The following AIM2 variants were observed in gnomAD, a reference collection of about 807,000 sequenced individuals.
The protein encoded by AIM2 is absent in melanoma 2.
In AIM2, 30 loss-of-function variants were observed where a neutral mutation model predicts 27.7. The observed-to-expected ratio is 1.08, with a 90% CI of 0.81 to 1.47. The LOEUF is 1.47. Ranked by LOEUF, AIM2 falls within the 40% of genes most tolerant of loss-of-function variation. The pLI is 0.00. For missense variants in AIM2, 358 were observed against 411.3 expected, an observed-to-expected ratio of 0.87 and a Z score of 1.12; for synonymous variants, 141 against 145.3, an observed-to-expected ratio of 0.97 and a Z score of 0.21.
chr1:159,085,061 A>G (rs1326576978), intron 1 of AIM2, among the ~76,000 whole-genome samples: 1 of 152,178 alleles, frequency 6.6e-6, no homozygotes, highest in African/African-American at 2.4e-5. Flanking sequence ...AACAAATGCC[A>G]CTTCCGTATG....
intron 1 of AIM2, among the ~76,000 whole-genome samples, chr1:159,128,990 A>G (rs530861772): frequency 1.3e-5 from 2 of 152,134 alleles, no homozygotes; most frequent in Non-Finnish European, 2.9e-5. Context: ...CCCCAAAAAG[A>G]CATGCCCAGG....
chr1:159,104,664 T>C (rs1160244603), intron 1 of AIM2, among the ~76,000 whole-genome samples: 1 of 152,238 alleles, frequency 6.6e-6, no homozygotes, highest in Admixed American at 6.5e-5. Context: ...ATACTGGGTT[T>C]AATCAGATAT....
At chr1:159,123,190 A>G (rs1647588040) in intron 1 of AIM2, among the ~76,000 whole-genome samples, 1 of 152,168 alleles carries the variant, frequency 6.6e-6, no homozygotes, top group South Asian at 2.1e-4. Flanking sequence ...GCCCTTTAAT[A>G]TTTACATACA....
At chr1:159,068,981 A>G (rs1656239313) in intron 2 of AIM2, among the ~76,000 whole-genome samples, 1 of 152,124 alleles carries the variant, frequency 6.6e-6, no homozygotes, top group African/African-American at 2.4e-5. Context: ...TTTACAAAAA[A>G]TATTTTCAAA....
At chr1:159,073,640 G>A in intron 1 of AIM2, 121 bp from the exon 2 acceptor site, 1 of 988,614 alleles carries the variant, frequency 1.0e-6, no homozygotes, top group Non-Finnish European at 1.5e-6. Context: ...TAGTAAAAGA[G>A]ATTTGAGTAG....
chr1:159,116,700 G>A (rs1450326186), intron 1 of AIM2, among the ~76,000 whole-genome samples: 3 of 152,040 alleles, frequency 2.0e-5, no homozygotes, highest in Admixed American at 1.3e-4. Flanking sequence ...GGGGGAGGGA[G>A]GAGGAATAGC....
intron 1 of AIM2, among the ~76,000 whole-genome samples, chr1:159,131,534 G>A (rs1005720514): frequency 1.3e-5 from 2 of 152,160 alleles, no homozygotes; most frequent in African/African-American, 4.8e-5. Flanking sequence ...GTGATGCAAG[G>A]ATCTTAGAGG....
downstream of AIM2, among the ~76,000 whole-genome samples, chr1:159,059,415 G>A (rs1280368328): frequency 6.6e-6 from 1 of 152,182 alleles, no homozygotes; most frequent in African/African-American, 2.4e-5. Flanking sequence ...GAATACTGAA[G>A]TTCAGAGAGA....
intron 1 of AIM2, among the ~76,000 whole-genome samples, chr1:159,113,195 C>T (rs1180841689): frequency 6.6e-6 from 1 of 152,250 alleles, no homozygotes; most frequent in East Asian, 1.9e-4. Flanking sequence ...CCACCTGCCT[C>T]GGTCTCCCAA....
intron 1 of AIM2, among the ~76,000 whole-genome samples, chr1:159,107,306 ATGTGTG>A (rs72077036): frequency 7.4e-5 from 11 of 147,870 alleles, no homozygotes; most frequent in East Asian, 2.0e-4. Context: ...ACATGTGTGT[ATGTGTG>A]TGTGTGTGTG....
chr1:159,110,182 T>C (rs773380517), intron 1 of AIM2, among the ~76,000 whole-genome samples: 11 of 151,804 alleles, frequency 7.2e-5, no homozygotes, highest in Non-Finnish European at 1.3e-4. Context: ...CCAATGAGGA[T>C]AAAGAGACTG....
At chr1:159,144,084 A>G (rs1009943805), upstream of AIM2, among the ~76,000 whole-genome samples, 4 of 152,190 alleles carry the variant, frequency 2.6e-5, no homozygotes, top group Non-Finnish European at 5.9e-5. Flanking sequence ...TTTATTATAA[A>G]CTAGGGGCAC....
At chr1:159,066,402 A>G (rs1656097664) in intron 3 of AIM2, 73 bp from the exon 4 acceptor site, 7 of 1,474,124 alleles carry the variant, frequency 4.7e-6, no homozygotes, top group Middle Eastern at 1.8e-4. Flanking sequence ...CTTCACCTAC[A>G]GTGCTAAACC....
chr1:159,145,833 C>T (rs894481716), intron 1 of AIM2, among the ~76,000 whole-genome samples: 2 of 152,174 alleles, frequency 1.3e-5, no homozygotes, highest in Non-Finnish European at 2.9e-5. Flanking sequence ...AGAGGCCAGG[C>T]ATGGTGGCTT....
intron 2 of AIM2, among the ~76,000 whole-genome samples, chr1:159,070,957 C>A (rs1187535090): frequency 6.6e-6 from 1 of 152,214 alleles, no homozygotes; most frequent in Non-Finnish European, 1.5e-5. Flanking sequence ...CACTGTGGTA[C>A]CAATGCAATA....
chr1:159,105,322 C>G (rs1250032515), intron 1 of AIM2, among the ~76,000 whole-genome samples: 1 of 152,234 alleles, frequency 6.6e-6, no homozygotes, highest in Non-Finnish European at 1.5e-5. Context: ...AAACCACAGA[C>G]CTCCAAAGAG....
intron 1 of AIM2, among the ~76,000 whole-genome samples, chr1:159,128,111 T>C (rs191167126): frequency 3.3e-5 from 5 of 152,320 alleles, no homozygotes; most frequent in Non-Finnish European, 7.3e-5. Flanking sequence ...GTATGTCTTG[T>C]TTATTGCAAC....
intron 1 of AIM2, among the ~76,000 whole-genome samples, chr1:159,139,429 A>C (rs910661921): frequency 6.6e-6 from 1 of 152,156 alleles, no homozygotes; most frequent in Admixed American, 6.5e-5. Flanking sequence ...AGAAAGACAA[A>C]AGCAACTTGA....
At chr1:159,083,919 T>C (rs1656838943) in intron 1 of AIM2, among the ~76,000 whole-genome samples, 1 of 152,238 alleles carries the variant, frequency 6.6e-6, no homozygotes, top group African/African-American at 2.4e-5. Flanking sequence ...ACCACCTATA[T>C]ATAACCAATT....
Sources: allele counts gnomAD v4.1 joint callset (sites outside exome capture counted in the v4.1 genomes callset), GRCh38; gene constraint gnomAD v4.1.1; transcripts MANE v1.5; gene names NCBI Gene and HGNC (gene_info 2026-07-23, HGNC 2026-07-21).